Variants in CNR2 observed in about 807,000 individuals in gnomAD.
CNR2 encodes the protein cannabinoid receptor 2, also known as cannabinoid receptor 2 (macrophage).
For synonymous variants in CNR2, 172 were observed against 182.2 expected (o/e 0.94, Z 0.45); for missense variants, 379 against 439.9 (o/e 0.86, Z 1.24).
chr1:23,893,111 G>A (rs995486435), intron 1 of CNR2, among the ~76,000 whole-genome samples: 15 of 152,134 alleles, frequency 9.9e-5, no homozygotes, highest in South Asian at 2.1e-4. Context: ...TAATGTCTAC[G>A]GGTTATCAAA....
At chr1:23,876,515 A>G (rs1314695893) in intron 1 of CNR2, among the ~76,000 whole-genome samples, 2 of 151,720 alleles carry the variant, frequency 1.3e-5, no homozygotes, top group African/African-American at 4.8e-5. Flanking sequence ...AACATTTTAT[A>G]CTAGATAAAA....
chr1:23,910,461 C>T (rs1240056032), intron 1 of CNR2, among the ~76,000 whole-genome samples: 1 of 151,376 alleles, frequency 6.6e-6, no homozygotes, highest in Non-Finnish European at 1.5e-5. Flanking sequence ...TCGAGACCAG[C>T]CTGGCCAACA....
intron 1 of CNR2, among the ~76,000 whole-genome samples, chr1:23,896,100 G>A (rs1404292995): frequency 6.6e-6 from 1 of 152,078 alleles, no homozygotes; most frequent in Non-Finnish European, 1.5e-5. Context: ...CTGGCCTTAA[G>A]TGATCCTCCC....
rs373068414 is a variant in CNR2, at chr1:23,911,738, C to T, written c.-46+1508G>A. On this transcript the variant is annotated intron_variant, in intron 1 of 1. Coordinates refer to ENST00000374472, the MANE Select transcript of CNR2 (RefSeq NM_001841.3). The stretch of plus-strand genomic sequence containing the variant: ...TGGCTGAGCCAGGCTGCCATTTTCC[C>T]GTCTTCACTGCCTTATCCTGGCCTT... 7.1e-4 allele frequency among the ~76,000 whole-genome samples: 108 copies of T among 152,226 alleles called. No homozygotes were observed. The South Asian group carries it at 0.016, about 22-fold the overall frequency.
chr1:23,898,641 ATTTTTTTTTTTTTTT>A (rs71026701), intron 1 of CNR2, among the ~76,000 whole-genome samples: 1 of 25,298 alleles, frequency 4.0e-5, no homozygotes, highest in African/African-American at 1.7e-4. Flanking sequence ...CGCCTGGCCA[ATTTTTTTTTTTTTTT>A]TTTTTTTTTT....
intron 1 of CNR2, among the ~76,000 whole-genome samples, chr1:23,892,061 C>T (rs1258219153): frequency 6.6e-6 from 1 of 152,182 alleles, no homozygotes; most frequent in African/African-American, 2.4e-5. Context: ...CCTTGTGCCT[C>T]CTGAGCCTGA....
At position 23,874,886 on chromosome 1, in the gene CNR2, G is replaced by T. The variant is rs766274704; in HGVS notation, c.732C>A (p.Ala244=). Residue 244 remains alanine (A), a synonymous_variant, in exon 2 of 2, where the codon GCC becomes GCA. Coordinates refer to ENST00000374472, the MANE Select transcript of CNR2 (RefSeq NM_001841.3). Reference sequence around the variant, plus strand: ...CAGCCAACACTAGCCCTAGGGTCTTGGCCAACCTCACATCCAGCCTCATTC... The same window carrying T: ...CAGCCAACACTAGCCCTAGGGTCTTTGCCAACCTCACATCCAGCCTCATTC... ...MARMRLDVRL[A]KTLGLVLAVL... is the part of the protein sequence containing the mutation. 1.2e-6 allele frequency: 2 copies of T among 1,614,114 alleles called. No individual in the cohort carries two copies. Among genetic ancestry groups the T allele is most frequent in the African/African-American group, 1.3e-5 (1 of 75,040 alleles).
intron 1 of CNR2, among the ~76,000 whole-genome samples, chr1:23,908,682 G>C (rs1640538300): frequency 6.6e-6 from 1 of 152,070 alleles, no homozygotes; most frequent in Non-Finnish European, 1.5e-5. Context: ...CATTGGAAGG[G>C]AGGGAGGGCT....
chr1:23,895,904 T>G (rs1399542413), intron 1 of CNR2, among the ~76,000 whole-genome samples: 1 of 152,158 alleles, frequency 6.6e-6, no homozygotes, highest in Admixed American at 6.6e-5. Context: ...ACGCACAATC[T>G]TTTGTCTTTA....
At chr1:23,912,297 C>T (rs1436708608) in intron 1 of CNR2, among the ~76,000 whole-genome samples, 6 of 152,330 alleles carry the variant, frequency 3.9e-5, no homozygotes, top group Admixed American at 3.3e-4. Context: ...AAAGCAGACC[C>T]CTGGCCTCCT....
At position 23,875,424 on chromosome 1, in the gene CNR2, C is replaced by A; in HGVS notation, c.194G>T (p.Arg65Leu). Residue 65 changes from arginine (R) to leucine (L), a missense_variant, in exon 2 of 2, where the codon CGC becomes CTC. Transcript: ENST00000374472. ...AATGAACAGGTATGAGGGCTTCCGG[C>A]GGAGTTGGTGGGAGGACAGGATCAG... ...LYLILSSHQL[R>L]RKPSYLFIGS... The A allele has an allele frequency of 6.2e-7, 1 of 1,614,206 alleles. No homozygotes were observed. The highest frequency in any genetic ancestry group is 8.5e-7 in the Non-Finnish European group (1 of 1,180,038).
At chr1:23,878,365 A>C (rs1056876602) in intron 1 of CNR2, among the ~76,000 whole-genome samples, 1 of 152,194 alleles carries the variant, frequency 6.6e-6, no homozygotes, top group African/African-American at 2.4e-5. Context: ...ACCCTGCCTC[A>C]ACAACAAAAA....
chr1:23,895,707 A>T (rs9424400), intron 1 of CNR2, among the ~76,000 whole-genome samples: 2 of 151,964 alleles, frequency 1.3e-5, no homozygotes, highest in African/African-American at 4.8e-5. Context: ...GGGGTTTCAT[A>T]TTGGCCAGGA....
chr1:23,880,590 A>C (rs904524748), intron 1 of CNR2, among the ~76,000 whole-genome samples: 5 of 151,556 alleles, frequency 3.3e-5, no homozygotes, highest in Non-Finnish European at 7.4e-5. Context: ...TTTGAGATGG[A>C]GTTTCACTCT....
chr1:23,898,481 A>G (rs1315660985), intron 1 of CNR2, among the ~76,000 whole-genome samples: 3 of 148,242 alleles, frequency 2.0e-5, no homozygotes, highest in Non-Finnish European at 4.4e-5. Flanking sequence ...AGCTGGGACT[A>G]CAGGCGCCCA....
chr1:23,896,736 G>A (rs3003327), intron 1 of CNR2, among the ~76,000 whole-genome samples: 124,014 of 151,768 alleles, frequency 0.82, 50,766 homozygotes, highest in Admixed American at 0.84. Context: ...TTGTGCCAGG[G>A]AGCACCTGCT....
In CNR2 at chr1:23,874,565, A is replaced by G. The variant is rs1639830389; in HGVS notation, c.1053T>C (p.Asp351=). 1.2e-6 allele frequency: 2 copies of G among 1,613,868 alleles called. No individual in the cohort carries two copies. Among genetic ancestry groups the G allele is most frequent in the Non-Finnish European group, 1.7e-6 (2 of 1,179,966 alleles). Residue 351 remains aspartate (D), a synonymous_variant, in exon 2 of 2, where the codon GAT becomes GAC. Coordinates refer to ENST00000374472, the MANE Select transcript of CNR2 (RefSeq NM_001841.3). ...AATCAGAGAGGTCTAGATCTCTGGA[A>G]TCTGGCCACGGAGTGATTTTCCCAT... ...EADGKITPWP[D]SRDLDLSDC
intron 1 of CNR2, among the ~76,000 whole-genome samples, chr1:23,892,112 A>G (rs988400763): frequency 1.3e-5 from 2 of 152,174 alleles, no homozygotes; most frequent in African/African-American, 2.4e-5. Context: ...GGAGAACCAG[A>G]CTTGCAGAAA....
chr1:23,904,588 T>G (rs1197537841), intron 1 of CNR2, among the ~76,000 whole-genome samples: 2 of 152,154 alleles, frequency 1.3e-5, no homozygotes, highest in Non-Finnish European at 2.9e-5. Context: ...CTGATAAGCA[T>G]GTGTGGATCT....
Sources: allele counts gnomAD v4.1 joint callset (sites outside exome capture counted in the v4.1 genomes callset), GRCh38; gene constraint gnomAD v4.1.1; transcripts MANE v1.5; gene names NCBI Gene and HGNC (gene_info 2026-07-23, HGNC 2026-07-21).